The following PCDHGC3 variants were observed in gnomAD, a reference collection of about 807,000 sequenced individuals.
PCDHGC3 encodes the protein protocadherin gamma-C3.
Under a neutral mutation model 59.2 loss-of-function variants are expected in PCDHGC3, and 26 were observed. That is an observed-to-expected ratio of 0.44 (90% CI 0.32 to 0.61). PCDHGC3 has a LOEUF of 0.61. PCDHGC3 is among the 20% of genes least tolerant of loss of function. The pLI is 0.05. For synonymous variants in PCDHGC3, 487 were observed against 519.7 expected, an observed-to-expected ratio of 0.94 and a Z score of 0.86; for missense variants, 1,080 against 1,221.8, an observed-to-expected ratio of 0.88 and a Z score of 1.73.
chr5:141,501,343 C>T (rs1202291965), intron 2 of PCDHGC3, among the ~76,000 whole-genome samples: 1 of 150,430 alleles, frequency 6.6e-6, no homozygotes, highest in Non-Finnish European at 1.5e-5. Context: ...ACCCCAAACT[C>T]AATAGGGCAA....
Position 141,477,864 on chromosome 5 carries a change from G to A in PCDHGC3, c.1748G>A (p.Gly583Asp), listed in dbSNP as rs775055164. Residue 583 changes from glycine (G) to aspartate (D), a missense_variant, in exon 1 of 4, where the codon GGT becomes GAT. Transcript: ENST00000308177. The surrounding 1 kb of genome is among the most constrained non-coding windows in gnomAD (Gnocchi z 4.9). Reference sequence around the variant, plus strand: ...AGCTCGGTGGAGATGCTGCCTCGAGGTACCTCAGCTGGCCACCTAGTGTCA... The same window carrying A: ...AGCTCGGTGGAGATGCTGCCTCGAGATACCTCAGCTGGCCACCTAGTGTCA... ...GGSSVEMLPR[G>D]TSAGHLVSRV... 1.2e-6 allele frequency: 2 copies of A among 1,613,122 alleles called. No homozygotes were observed. The highest frequency in any genetic ancestry group is 4.5e-5 in the East Asian group (2 of 44,822).
chr5:141,499,485 A>G (rs1278629076), intron 2 of PCDHGC3, among the ~76,000 whole-genome samples: 2 of 152,226 alleles, frequency 1.3e-5, no homozygotes, highest in Non-Finnish European at 2.9e-5. Flanking sequence ...ACCACCAACT[A>G]CAGTTTAATA....
Position 141,478,910 on chromosome 5 carries a change from A to G in PCDHGC3, c.2430+364A>G, listed in dbSNP as rs568573298. On this transcript the variant is annotated intron_variant, in intron 1 of 3. Transcript: ENST00000308177. ...ATTTACATTAGGAATAAGCTGCTGG[A>G]TACCTCTAACCAGTGGCAGCTTCTA... 5.3e-4 allele frequency: 474 copies of G among 893,806 alleles called. 7 individuals are homozygous for G. The South Asian group carries it at 6.8e-3, about 13-fold the overall frequency. 55.4% of individuals were successfully genotyped at this position (893,806 alleles called of 1,614,324 possible).
At position 141,477,626 on chromosome 5, in the gene PCDHGC3, G is replaced by A. The variant is rs201987467; in HGVS notation, c.1510G>A (p.Gly504Arg). The A allele has an allele frequency of 1.9e-5, 31 of 1,614,052 alleles. No individual in the cohort carries two copies. The highest frequency in any genetic ancestry group is 2.5e-5 in the Non-Finnish European group (30 of 1,180,044). ...FFLLEQGAET[G>R]LVGRYFTINR... Reference sequence around the variant, plus strand: ...TCTCTTGGAGCAAGGAGCTGAAACCGGGCTAGTGGGTCGCTATTTCACAAT... The same window carrying A: ...TCTCTTGGAGCAAGGAGCTGAAACCAGGCTAGTGGGTCGCTATTTCACAAT... The change falls in exon 1 of 4, where the codon GGG (glycine) becomes AGG (arginine). Residue 504 changes from glycine to arginine, a missense_variant. By Grantham distance (125) the Gly-to-Arg change is moderately radical. Transcript: ENST00000308177. This position sits in a 1 kb window ranked among gnomAD's most constrained non-coding sequence, Gnocchi z 4.9.
rs902072815 is a variant in PCDHGC3, at chr5:141,495,024, C to A, written c.2489+159C>A. On this transcript the variant is annotated intron_variant, in intron 2 of 3. Coordinates refer to ENST00000308177, the MANE Select transcript of PCDHGC3 (RefSeq NM_002588.4). ...GGTGTGCGGGGGGCTGGCACACAGACCCCGGAAGGAAGAGGCGACTGCCCT... is the reference window on the plus strand; with the variant it reads ...GGTGTGCGGGGGGCTGGCACACAGAACCCGGAAGGAAGAGGCGACTGCCCT... The A allele has an allele frequency of 1.6e-5, 16 of 973,368 alleles. No homozygotes were observed. In the South Asian group the frequency reaches 5.7e-4, roughly 35 times the overall value. The allele number at this position is 973,368 out of a possible 1,614,324, so 60.3% of individuals were successfully genotyped here. A position where few individuals can be genotyped will look rare whatever the true frequency, so the allele number is the denominator to read the frequency against.
chr5:141,483,872 T>A (rs1373802168), intron 1 of PCDHGC3, among the ~76,000 whole-genome samples: 1 of 152,080 alleles, frequency 6.6e-6, no homozygotes, highest in African/African-American at 2.4e-5. Context: ...CAGATCAGGA[T>A]GGATTTTTCT....
chr5:141,478,870 GT>G, intron 1 of PCDHGC3: 1 of 1,273,360 alleles, frequency 7.9e-7, no homozygotes, highest in Non-Finnish European at 1.0e-6. Context: ...AGCGATCAGA[GT>G]TTAGCTTGGT....
intron 3 of PCDHGC3, among the ~76,000 whole-genome samples, chr5:141,509,732 C>T (rs931066969): frequency 3.9e-5 from 6 of 152,182 alleles, no homozygotes; most frequent in Non-Finnish European, 5.9e-5. Flanking sequence ...CTAGCTGTGG[C>T]ACTCTGAGCC....
At chr5:141,499,330 C>T (rs1040336371) in intron 2 of PCDHGC3, among the ~76,000 whole-genome samples, 1 of 152,170 alleles carries the variant, frequency 6.6e-6, no homozygotes, top group African/African-American at 2.4e-5. Flanking sequence ...CCTGCTCTCT[C>T]TCAGTTTGGG....
At chr5:141,483,187 GTTT>G (rs899657161) in intron 1 of PCDHGC3, among the ~76,000 whole-genome samples, 2 of 152,172 alleles carry the variant, frequency 1.3e-5, no homozygotes, top group African/African-American at 4.8e-5. Flanking sequence ...AAGCCAAGGA[GTTT>G]TTATTTTATT....
chr5:141,489,174 C>A lies in PCDHGC3; in HGVS notation c.2431-5633C>A. On this transcript the variant is annotated intron_variant, in intron 1 of 3. Coordinates refer to ENST00000308177, the MANE Select transcript of PCDHGC3 (RefSeq NM_002588.4). The surrounding 1 kb of genome is among the most constrained non-coding windows in gnomAD (Gnocchi z 4.5). ...ATAAGAGACTTCAGCTGCTGCATTC[C>A]AAGCCCTGGGTCTACCTTGGAGACA... The A allele has an allele frequency of 8.2e-7, 1 of 1,224,772 alleles. No individual in the cohort carries two copies. 75.9% of individuals were successfully genotyped at this position (1,224,772 alleles called of 1,614,324 possible).
chr5:141,491,884 G>C lies in PCDHGC3; in HGVS notation c.2431-2923G>C, dbSNP rs745931108. 5.0e-5 allele frequency: 73 copies of C among 1,446,372 alleles called. No homozygotes were observed. The highest frequency in any genetic ancestry group is 6.3e-5 in the Non-Finnish European group (69 of 1,094,334). The allele number at this position is 1,446,372 out of a possible 1,614,324, so 89.6% of individuals were successfully genotyped here. A position where few individuals can be genotyped will look rare whatever the true frequency, so the allele number is the denominator to read the frequency against. On this transcript the variant is annotated intron_variant, in intron 1 of 3. Coordinates refer to ENST00000308177, the MANE Select transcript of PCDHGC3 (RefSeq NM_002588.4). The surrounding 1 kb of genome is among the most constrained non-coding windows in gnomAD (Gnocchi z 6.9). The stretch of plus-strand genomic sequence containing the variant: ...AACCAGAGTGGCCGATTAAGGGATG[G>C]GGCTCCGAGCACCGGGGGTGGTGGC...
rs147534370 is a variant in PCDHGC3 at position 141,511,170 on chromosome 5, G to A, written c.2802G>A (p.Lys934=). ...AGAAGTCGGGCAAGAAGGAGAAGAA[G>A]TAACATGGAGGCCAGGCCAAGAGCC... ...NKKKSGKKEK[K] The change falls in exon 4 of 4, where the codon AAG becomes AAA. Residue 934 remains lysine (K), a synonymous_variant. Coordinates refer to ENST00000308177, the MANE Select transcript of PCDHGC3 (RefSeq NM_002588.4). 1.9e-6 allele frequency: 3 copies of A among 1,613,988 alleles called. No homozygotes were observed. The highest frequency in any genetic ancestry group is 2.5e-6 in the Non-Finnish European group (3 of 1,179,990).
chr5:141,481,856 G>A (rs1402368786), intron 1 of PCDHGC3, among the ~76,000 whole-genome samples: 1 of 149,156 alleles, frequency 6.7e-6, no homozygotes, highest in Admixed American at 6.8e-5. Flanking sequence ...GGAGGTTGCA[G>A]TGAGCCGAGA....
At chr5:141,494,965 C>T in intron 2 of PCDHGC3, 100 bp downstream of exon 2, 1 of 1,592,636 alleles carries the variant, frequency 6.3e-7, no homozygotes, top group Non-Finnish European at 8.6e-7. Context: ...CTACAGATGG[C>T]TTCTCCCTCA....
rs1173627393 is a variant in PCDHGC3 at position 141,487,102 on chromosome 5, G to A, written c.2431-7705G>A. ...CAGCTGACCTCCCACCACAGAAGCT[G>A]GTCATTGTGGTAAAGGATAGTGGTA... On this transcript the variant is annotated intron_variant, in intron 1 of 3. Coordinates refer to ENST00000308177, the MANE Select transcript of PCDHGC3 (RefSeq NM_002588.4). This position sits in a 1 kb window ranked among gnomAD's most constrained non-coding sequence, Gnocchi z 5.0. 1 of 1,613,900 alleles carries A rather than the reference G, an allele frequency of 6.2e-7. No homozygotes were observed.
intron 1 of PCDHGC3, 162 bp from the exon 2 acceptor site, chr5:141,494,645 G>A: frequency 1.1e-6 from 1 of 935,948 alleles, no homozygotes. Flanking sequence ...GAGACCTGAG[G>A]TGTATTTTGT....
chr5:141,476,556 C>G lies in PCDHGC3; in HGVS notation c.440C>G (p.Ala147Gly). Residue 147 changes from alanine to glycine, a missense_variant, in exon 1 of 4, where the codon GCC becomes GGC. Transcript: ENST00000308177. This position sits in a 1 kb window ranked among gnomAD's most constrained non-coding sequence, Gnocchi z 7.6. ...GAAATGAAATTGGAGATTAGCGAGG[C>G]CGTGGCTCCGGGGACGCGCTTTCCG... The part of the protein sequence containing the change: ...TQEMKLEISE[A>G]VAPGTRFPLE... The G allele has an allele frequency of 6.2e-7, 1 of 1,614,234 alleles. No homozygotes were observed. The highest frequency in any genetic ancestry group is 8.5e-7 in the Non-Finnish European group (1 of 1,180,036).
intron 1 of PCDHGC3, chr5:141,484,876 A>T (rs1461505847): frequency 6.3e-6 from 2 of 315,126 alleles, no homozygotes; most frequent in Admixed American, 9.4e-5. Flanking sequence ...CGTGGAGGAT[A>T]GGGTGGGCTT....
Sources: allele counts gnomAD v4.1 joint callset (sites outside exome capture counted in the v4.1 genomes callset), GRCh38; gene constraint gnomAD v4.1.1; non-coding constraint Gnocchi (gnomAD v3.1); transcripts MANE v1.5; gene names NCBI Gene and HGNC (gene_info 2026-07-23, HGNC 2026-07-21).